SLC39A11: variants seen among roughly 807,000 people sequenced by gnomAD.
SLC39A11 encodes the protein solute carrier family 39 member 11, also known as zinc transporter ZIP11.
SLC39A11 carries 33 observed loss-of-function variants against 36.1 expected under a neutral mutation model. That is an observed-to-expected ratio of 0.91 (90% CI 0.69 to 1.22). The LOEUF is 1.22. Among genes scored for constraint, SLC39A11 ranks in the 50% most tolerant of loss-of-function variants. The probability of loss-of-function intolerance (pLI) is 0.00; values close to 1 mark genes in which losing one functional copy is unlikely to be tolerated. For synonymous variants in SLC39A11, 166 were observed against 170.3 expected (o/e 0.97, Z 0.20); for missense variants, 432 against 430.3 (o/e 1.00, Z -0.03).
intron 1 of SLC39A11, chr17:73,092,367 C>A (rs1354078659): frequency 6.6e-6 from 1 of 152,248 alleles, no homozygotes; most frequent in Non-Finnish European, 1.5e-5. Context: ...CCTTCCAGAT[C>A]ACCCTGGAGA....
chr17:72,994,877 AG>A (rs1365667178), intron 4 of SLC39A11, among the ~76,000 whole-genome samples: 2 of 152,110 alleles, frequency 1.3e-5, no homozygotes, highest in Admixed American at 6.6e-5. Context: ...GAGGTGAAGG[AG>A]GGGGTTATTT....
chr17:72,834,550 A>C (rs2078433936), intron 6 of SLC39A11, among the ~76,000 whole-genome samples: 1 of 152,138 alleles, frequency 6.6e-6, no homozygotes. Flanking sequence ...TGAACCTGGG[A>C]GGCGGAGGTT....
chr17:72,715,987 G>T (rs553256942), intron 7 of SLC39A11, among the ~76,000 whole-genome samples: 2 of 152,020 alleles, frequency 1.3e-5, no homozygotes, highest in South Asian at 2.1e-4. Context: ...GTGAGCCACC[G>T]TGCCCGGCCA....
chr17:72,771,757 ATTT>A (rs1227337233), intron 6 of SLC39A11, among the ~76,000 whole-genome samples: 1 of 152,244 alleles, frequency 6.6e-6, no homozygotes, highest in Admixed American at 6.5e-5. Flanking sequence ...CAAAGAAATG[ATTT>A]TTATCTTTTA....
intron 6 of SLC39A11, among the ~76,000 whole-genome samples, chr17:72,767,559 G>C (rs1277069251): frequency 6.6e-6 from 1 of 152,234 alleles, no homozygotes; most frequent in Non-Finnish European, 1.5e-5. Flanking sequence ...ATACTGCAGA[G>C]CTGGAAGACA....
chr17:73,069,331 C>A (rs2144475920), intron 3 of SLC39A11, among the ~76,000 whole-genome samples: 1 of 152,338 alleles, frequency 6.6e-6, no homozygotes, highest in South Asian at 2.1e-4. Context: ...CCCCAGCCGA[C>A]CTTGAGCTCC....
chr17:72,958,514 C>T (rs2086387895), intron 4 of SLC39A11, among the ~76,000 whole-genome samples: 1 of 152,148 alleles, frequency 6.6e-6, no homozygotes, highest in South Asian at 2.1e-4. Flanking sequence ...AAAAAACAAA[C>T]AATCCCATCC....
At chr17:72,932,443 AC>A (rs1206097722) in intron 5 of SLC39A11, among the ~76,000 whole-genome samples, 2 of 96,500 alleles carry the variant, frequency 2.1e-5, no homozygotes, top group African/African-American at 8.4e-5. Context: ...TCCCTCCCCT[AC>A]CCCCCACCCC....
At chr17:72,967,944 A>G (rs548398256) in intron 4 of SLC39A11, among the ~76,000 whole-genome samples, 2 of 152,254 alleles carry the variant, frequency 1.3e-5, no homozygotes, top group South Asian at 4.1e-4. Flanking sequence ...ACAATTGTCT[A>G]CACGTGGAGA....
chr17:72,982,944 T>G (rs1362347787), intron 4 of SLC39A11, among the ~76,000 whole-genome samples: 1 of 152,112 alleles, frequency 6.6e-6, no homozygotes, highest in Non-Finnish European at 1.5e-5. Context: ...CTATTATCCA[T>G]GCATCTCCAT....
intron 5 of SLC39A11, among the ~76,000 whole-genome samples, chr17:72,872,465 G>A (rs1047616969): frequency 6.6e-6 from 1 of 152,180 alleles, no homozygotes; most frequent in Non-Finnish European, 1.5e-5. Flanking sequence ...AAATAAGGAT[G>A]TAACAACGTG....
chr17:72,701,036 C>T (rs948908787), intron 7 of SLC39A11, among the ~76,000 whole-genome samples: 10 of 152,248 alleles, frequency 6.6e-5, no homozygotes, highest in African/African-American at 2.4e-4. Context: ...CAACCTGCAG[C>T]CTGAAGCTCC....
intron 7 of SLC39A11, among the ~76,000 whole-genome samples, chr17:72,695,623 GGGTCTTTGT>G (rs145514855): frequency 0.2 from 30,942 of 151,974 alleles, 3,666 homozygotes; most frequent in South Asian, 0.41. Flanking sequence ...ACAAAAAAAA[GGGTCTTTGT>G]GGATGTAATT....
At chr17:72,725,968 G>A (rs2073914857) in intron 7 of SLC39A11, among the ~76,000 whole-genome samples, 1 of 152,230 alleles carries the variant, frequency 6.6e-6, no homozygotes, top group African/African-American at 2.4e-5. Flanking sequence ...GGATCAAGAT[G>A]TCAAAGTATT....
At position 73,081,632 on chromosome 17, in the gene SLC39A11, T is replaced by C. The variant is rs71381079; in HGVS notation, c.147+3176A>G. Among the ~76,000 whole-genome samples, 1,078 of 110,550 alleles carry C rather than the reference T, an allele frequency of 9.8e-3. 10 individuals carry two copies. Among genetic ancestry groups the C allele is most frequent in the African/African-American group, 0.014 (409 of 30,148 alleles). 72.5% of individuals were successfully genotyped at this position (110,550 alleles called of 152,430 possible). On this transcript the variant is annotated intron_variant, in intron 3 of 9. Coordinates refer to ENST00000255559, the MANE Select transcript of SLC39A11 (RefSeq NM_139177.4). The stretch of plus-strand genomic sequence containing the variant: ...TGTGATATATATATATATATATACA[T>C]ACACACACACACACACACACACACA...
At chr17:72,701,895 G>C (rs902678550) in intron 7 of SLC39A11, among the ~76,000 whole-genome samples, 1 of 152,064 alleles carries the variant, frequency 6.6e-6, no homozygotes, top group East Asian at 1.9e-4. Flanking sequence ...GAGCCCAGAA[G>C]TTAAGTTTGA....
chr17:72,897,778 C>A (rs1459768914), intron 5 of SLC39A11, among the ~76,000 whole-genome samples: 1 of 152,160 alleles, frequency 6.6e-6, no homozygotes, highest in African/African-American at 2.4e-5. Context: ...AAAACAAAAA[C>A]AGGCGGCAAG....
intron 7 of SLC39A11, among the ~76,000 whole-genome samples, chr17:72,674,984 GTA>G (rs2071190923): frequency 1.0e-5 from 1 of 99,952 alleles, no homozygotes; most frequent in Admixed American, 9.9e-5. Context: ...GTGTGTGTGC[GTA>G]TGTGTGTGTG....
chr17:72,718,327 T>A (rs1386702020), intron 7 of SLC39A11, among the ~76,000 whole-genome samples: 1 of 152,140 alleles, frequency 6.6e-6, no homozygotes, highest in Non-Finnish European at 1.5e-5. Context: ...TAATCCCAGC[T>A]ACTCGTGAGG....
Sources: gnomAD v4.1 joint callset for allele counts (sites outside exome capture counted in the v4.1 genomes callset) on GRCh38, gnomAD v4.1.1 for gene constraint, MANE v1.5 for transcripts, NCBI Gene and HGNC (gene_info 2026-07-23, HGNC 2026-07-21) for gene names.